Variants in TAFA1 observed in about 807,000 individuals in gnomAD.
TAFA1 encodes the protein chemokine-like protein TAFA-1.
TAFA1 carries 4 observed loss-of-function variants against 18.5 expected under a neutral mutation model. That is an observed-to-expected ratio of 0.22 (90% confidence interval 0.11 to 0.49). The LOEUF is 0.49. TAFA1 is among the 20% of genes least tolerant of loss of function. TAFA1 has a pLI of 0.98. For missense variants in TAFA1, 147 were observed against 169.0 expected, an observed-to-expected ratio of 0.87 and a Z score of 0.72; for synonymous variants, 56 against 55.2, an observed-to-expected ratio of 1.01 and a Z score of -0.06.
At chr3:68,123,204 A>G (rs1052994801) in intron 2 of TAFA1, among the ~76,000 whole-genome samples, 7 of 152,120 alleles carry the variant, frequency 4.6e-5, no homozygotes, top group African/African-American at 1.7e-4. Flanking sequence ...GTGAGTGCAG[A>G]AGAGTGGAGG....
At chr3:68,442,319 T>G (rs368301883) in intron 3 of TAFA1, among the ~76,000 whole-genome samples, 12 of 152,178 alleles carry the variant, frequency 7.9e-5, no homozygotes, top group African/African-American at 1.4e-4. Context: ...GGGTATTACA[T>G]GTCAAAGGGG....
At position 68,364,910 on chromosome 3, in the gene TAFA1, G is replaced by C. The variant is rs192277107; in HGVS notation, c.119-52370G>C. Among the ~76,000 whole-genome samples, 95 of 152,294 alleles carry C rather than the reference G, an allele frequency of 6.2e-4. 1 individual carries two copies. The Middle Eastern group carries it at 0.014, about 22-fold the overall frequency. The stretch of plus-strand genomic sequence containing the variant: ...TCAGTCCCTTATCAAAGGTCACACA[G>C]TCAGAAAGTGGCAAGGCAGGGATTT... On this transcript the variant is annotated intron_variant, in intron 2 of 4. Coordinates refer to ENST00000478136, the MANE Select transcript of TAFA1 (RefSeq NM_213609.4).
At chr3:68,129,815 G>GA (rs1292585074) in intron 2 of TAFA1, among the ~76,000 whole-genome samples, 4 of 152,034 alleles carry the variant, frequency 2.6e-5, no homozygotes, top group Non-Finnish European at 4.4e-5. Flanking sequence ...TGGCCTGAAA[G>GA]AAAAAAGTTC....
chr3:68,082,609 A>C (rs1445918728), intron 2 of TAFA1, among the ~76,000 whole-genome samples: 1 of 152,222 alleles, frequency 6.6e-6, no homozygotes. Context: ...AAAGAGTTTA[A>C]GTTAGTACCA....
rs558787116 is a variant in TAFA1, at chr3:68,031,090, T to G, written c.118+24346T>G. Among the ~76,000 whole-genome samples, 4 of 152,304 alleles carry G rather than the reference T, an allele frequency of 2.6e-5. No individual in the cohort carries two copies. In the South Asian group the frequency reaches 8.3e-4, roughly 32 times the overall value. The stretch of plus-strand genomic sequence containing the variant: ...CATCAGTTTCAAGTTTTGGGATTGT[T>G]TCCTATGTTAACTTAGCAGTTCTTA... On this transcript the variant is annotated intron_variant, in intron 2 of 4. Transcript: ENST00000478136.
intron 2 of TAFA1, among the ~76,000 whole-genome samples, chr3:68,208,193 T>A (rs1447288712): frequency 6.6e-6 from 1 of 152,012 alleles, no homozygotes; most frequent in African/African-American, 2.4e-5. Context: ...CTTCTGCCTA[T>A]GATCCATGCA....
chr3:68,450,603 T>C (rs1286555570), intron 3 of TAFA1, among the ~76,000 whole-genome samples: 3 of 152,142 alleles, frequency 2.0e-5, no homozygotes, highest in Non-Finnish European at 4.4e-5. Context: ...GTGAAAAGAA[T>C]CCAGAGATGA....
intron 2 of TAFA1, among the ~76,000 whole-genome samples, chr3:68,119,667 T>A (rs2065365059): frequency 1.3e-5 from 2 of 152,312 alleles, no homozygotes; most frequent in Middle Eastern, 3.4e-3. Flanking sequence ...TGCACCCTTG[T>A]CAAAAATCAT....
chr3:68,001,870 G>A (rs968505161), upstream of TAFA1, among the ~76,000 whole-genome samples: 1 of 152,236 alleles, frequency 6.6e-6, no homozygotes, highest in South Asian at 2.1e-4. Context: ...AGGGGAAGAG[G>A]AGGCCTCTGC....
At chr3:68,323,371 G>C (rs1575776760) in intron 2 of TAFA1, among the ~76,000 whole-genome samples, 1 of 152,140 alleles carries the variant, frequency 6.6e-6, no homozygotes, top group African/African-American at 2.4e-5. Context: ...TGAGGAGTCA[G>C]GAAAGAGGAG....
intron 3 of TAFA1, among the ~76,000 whole-genome samples, chr3:68,491,706 A>T (rs1193737471): frequency 1.3e-5 from 2 of 152,280 alleles, no homozygotes; most frequent in Non-Finnish European, 2.9e-5. Flanking sequence ...AATAAATTTT[A>T]AAAAAGAGTG....
At chr3:68,001,241 C>G (rs1341722063), upstream of TAFA1, among the ~76,000 whole-genome samples, 2 of 152,104 alleles carry the variant, frequency 1.3e-5, no homozygotes, top group African/African-American at 2.4e-5. Context: ...TGACCTTATT[C>G]TTTCTTTTTC....
chr3:68,125,463 C>G (rs1301204662), intron 2 of TAFA1, among the ~76,000 whole-genome samples: 1 of 152,146 alleles, frequency 6.6e-6, no homozygotes, highest in Non-Finnish European at 1.5e-5. Context: ...ACCACCAAAT[C>G]TGTTTATTTG....
chr3:68,335,676 C>T (rs1171893709), intron 2 of TAFA1, among the ~76,000 whole-genome samples: 1 of 152,000 alleles, frequency 6.6e-6, no homozygotes, highest in Non-Finnish European at 1.5e-5. Flanking sequence ...AATCATATCC[C>T]AACTTTGGTA....
At chr3:68,465,140 G>T (rs889711935) in intron 3 of TAFA1, among the ~76,000 whole-genome samples, 2 of 152,128 alleles carry the variant, frequency 1.3e-5, no homozygotes, top group Admixed American at 1.3e-4. Context: ...TGGGAGGGGA[G>T]AGGAGCAGAG....
chr3:68,450,455 G>A (rs935393841), intron 3 of TAFA1, among the ~76,000 whole-genome samples: 5 of 152,214 alleles, frequency 3.3e-5, no homozygotes, highest in African/African-American at 1.2e-4. Flanking sequence ...CTGTTGGTAA[G>A]TGAAGCCATG....
At chr3:68,400,687 T>C (rs1432526320) in intron 2 of TAFA1, among the ~76,000 whole-genome samples, 1 of 152,214 alleles carries the variant, frequency 6.6e-6, no homozygotes, top group Non-Finnish European at 1.5e-5. Flanking sequence ...ATAGAAGATG[T>C]TATTGGTAAT....
intron 2 of TAFA1, among the ~76,000 whole-genome samples, chr3:68,395,234 A>G (rs1256495953): frequency 3.3e-5 from 5 of 152,208 alleles, no homozygotes; most frequent in African/African-American, 1.2e-4. Flanking sequence ...TATTAAAAGC[A>G]CAATGAGATA....
intron 2 of TAFA1, among the ~76,000 whole-genome samples, chr3:68,213,220 G>A (rs2066616368): frequency 6.6e-6 from 1 of 151,970 alleles, no homozygotes; most frequent in African/African-American, 2.4e-5. Context: ...TGACTACCAA[G>A]AGACTTGAAA....
Sources: allele counts gnomAD v4.1 joint callset (sites outside exome capture counted in the v4.1 genomes callset), GRCh38; gene constraint gnomAD v4.1.1; transcripts MANE v1.5; gene names NCBI Gene and HGNC (gene_info 2026-07-23, HGNC 2026-07-21).